The following C4orf46 variants were observed in gnomAD, a reference collection of about 807,000 sequenced individuals.
The protein encoded by C4orf46 is renal cancer differentiation gene 1 protein.
C4orf46 carries 8 observed loss-of-function variants against 9.1 expected under a neutral mutation model. The ratio of observed to expected loss-of-function variants is 0.88; its 90% confidence interval spans 0.52 to 1.59. C4orf46 has a LOEUF of 1.59. Among genes scored for constraint, C4orf46 ranks in the 40% most tolerant of loss-of-function variants. The pLI is 0.00. For missense variants in C4orf46, 151 were observed against 139.1 expected (o/e 1.09, Z -0.43); for synonymous variants, 51 against 58.8 (o/e 0.87, Z 0.61).
At position 158,671,636 on chromosome 4, in the gene C4orf46, C is replaced by G. The variant is rs750487027; in HGVS notation, c.166G>C (p.Val56Leu). Reference sequence around the variant, plus strand: ...CTCACGTCTCCGATCTGCAGCTCCACTTCCTCCAGCTGGTCCACCGTTGGG... The same window carrying G: ...CTCACGTCTCCGATCTGCAGCTCCAGTTCCTCCAGCTGGTCCACCGTTGGG... ...SGPTVDQLEE[V>L]ELQIGDAAFS... Residue 56 changes from valine to leucine, a missense_variant, in exon 1 of 2, where the codon GTG (valine) becomes CTG (leucine). Transcript: ENST00000379205. 7.0e-5 allele frequency: 111 copies of G among 1,579,322 alleles called. No homozygotes were observed. Among genetic ancestry groups the G allele is most frequent in the Admixed American group, 1.1e-4 (6 of 56,632 alleles).
intron 1 of C4orf46, among the ~76,000 whole-genome samples, chr4:158,670,731 T>TA (rs201726698): frequency 3.1e-4 from 47 of 151,456 alleles, no homozygotes; most frequent in East Asian, 2.9e-3. Context: ...TAGTCATCCT[T>TA]AAAAAAAAAT....
In C4orf46 at chr4:158,669,685, T is replaced by C. The variant is rs1273885734; in HGVS notation, c.270A>G (p.Glu90=). ...QVEELAFKCT[E]NARFLKTWRD... The stretch of plus-strand genomic sequence containing the variant: ...GCCACGTTTTAAGGAAACGTGCATT[T>C]TCTGTACATTTGAAGGCAAGTTCTT... Residue 90 remains glutamate, a synonymous_variant, in exon 2 of 2, where the codon GAA becomes GAG. Coordinates refer to ENST00000379205, the MANE Select transcript of C4orf46 (RefSeq NM_001008393.4). The C allele has an allele frequency of 1.2e-6, 2 of 1,613,902 alleles. No individual in the cohort carries two copies. The highest frequency in any genetic ancestry group is 2.2e-5 in the South Asian group (2 of 91,086).
At chr4:158,669,895 C>T in intron 1 of C4orf46, 127 bp from the exon 2 acceptor site, 1 of 735,804 alleles carries the variant, frequency 1.4e-6, no homozygotes, top group Non-Finnish European at 2.2e-6. Flanking sequence ...AATCAGTTTT[C>T]AAACTACAGC....
In C4orf46 at chr4:158,671,743, G is replaced by A. The variant is rs1773559404; in HGVS notation, c.59C>T (p.Pro20Leu). 6.3e-7 allele frequency: 1 copy of A among 1,583,160 alleles called. No individual in the cohort carries two copies. The highest frequency in any genetic ancestry group is 1.3e-5 in the African/African-American group (1 of 74,196). ...TGCTGCAGAGGCGTCTGAAGAGGAGGGAGAAGAGGGAGGCGGCGGGGGCGG... is the reference window on the plus strand; with the variant it reads ...TGCTGCAGAGGCGTCTGAAGAGGAGAGAGAAGAGGGAGGCGGCGGGGGCGG... ...SSPPPPPPSS[P>L]SSSDASAASS... The change falls in exon 1 of 2, where the codon CCC (proline) becomes CTC (leucine). Residue 20 changes from proline to leucine, a missense_variant. By Grantham distance (98) the Pro-to-Leu change is moderately conservative. Transcript: ENST00000379205.
At chr4:158,671,007 T>G (rs1284346972) in intron 1 of C4orf46, among the ~76,000 whole-genome samples, 1 of 151,140 alleles carries the variant, frequency 6.6e-6, no homozygotes, top group Admixed American at 6.6e-5. Flanking sequence ...AAGGGAGGAG[T>G]CCTGAACTAA....
In C4orf46 at chr4:158,669,356, A is replaced by T; in HGVS notation, c.*257T>A. 1 of 324,006 alleles carries T rather than the reference A, an allele frequency of 3.1e-6. No individual in the cohort carries two copies. Among genetic ancestry groups the T allele is most frequent in the Non-Finnish European group, 5.7e-6 (1 of 176,690 alleles). 20.1% of individuals were successfully genotyped at this position (324,006 alleles called of 1,614,324 possible). ...CTCTATTAATATTAACCGTCTATTG[A>T]TGAAGTTAACTTTCATAAAGGATTC... On this transcript the variant is annotated 3_prime_UTR_variant, in exon 2 of 2. Coordinates refer to ENST00000379205, the MANE Select transcript of C4orf46 (RefSeq NM_001008393.4).
rs531996845 is a variant in C4orf46 at position 158,667,215 on chromosome 4, A to G, written c.*2398T>C. 8 of 152,340 alleles carry G rather than the reference A, an allele frequency of 5.3e-5. No individual in the cohort carries two copies. The highest frequency in any genetic ancestry group is 1.9e-4 in the African/African-American group (8 of 41,570). The allele number at this position is 152,340 out of a possible 1,614,324, so 9.4% of individuals were successfully genotyped here. A position where few individuals can be genotyped will look rare whatever the true frequency, so the allele number is the denominator to read the frequency against. ...ACTTGAAAAATTGATACTTGGAGGAACAGCTATAAATATGTAAAAATAATT... is the reference window on the plus strand; with the variant it reads ...ACTTGAAAAATTGATACTTGGAGGAGCAGCTATAAATATGTAAAAATAATT... On this transcript the variant is annotated 3_prime_UTR_variant, in exon 2 of 2. Coordinates refer to ENST00000379205, the MANE Select transcript of C4orf46 (RefSeq NM_001008393.4).
chr4:158,670,086 C>A (rs1044563774), intron 1 of C4orf46, among the ~76,000 whole-genome samples: 5 of 121,790 alleles, frequency 4.1e-5, no homozygotes, highest in Non-Finnish European at 8.0e-5. Context: ...TGCAATGGCG[C>A]GATCTTGGTT....
rs1773428766 is a variant in C4orf46 at position 158,668,130 on chromosome 4, TCTTGAAATCATTTACCTTTCCTA to T, written c.*1460_*1482del. The stretch of plus-strand genomic sequence containing the variant: ...CTGCATGGTAGAAATACACGGATTT[TCTTGAAATCATTTACCTTTCCTA>T]TATCTTTGAAATATGTCAATAAAGT... On this transcript the variant is annotated 3_prime_UTR_variant, in exon 2 of 2. Coordinates refer to ENST00000379205, the MANE Select transcript of C4orf46 (RefSeq NM_001008393.4). 1 of 152,364 alleles carries T rather than the reference TCTTGAAATCATTTACCTTTCCTA, an allele frequency of 6.6e-6. No homozygotes were observed. The highest frequency in any genetic ancestry group is 1.5e-5 in the Non-Finnish European group (1 of 68,042). The allele number at this position is 152,364 out of a possible 1,614,324, so 9.4% of individuals were successfully genotyped here.
intron 1 of C4orf46, among the ~76,000 whole-genome samples, chr4:158,670,613 CA>C (rs1773505860): frequency 1.3e-5 from 2 of 152,126 alleles, no homozygotes; most frequent in South Asian, 4.1e-4. Flanking sequence ...TTTTCTTCAC[CA>C]ATGATATAAA....
At position 158,669,689 on chromosome 4, in the gene C4orf46, G is replaced by GT. The variant is rs534605002; in HGVS notation, c.265dup (p.Thr89AsnfsTer8). On this transcript the variant is annotated frameshift_variant, in exon 2 of 2. Coordinates refer to ENST00000379205, the MANE Select transcript of C4orf46 (RefSeq NM_001008393.4). LOFTEE classifies it high-confidence loss of function. ...CGTTTTAAGGAAACGTGCATTTTCT[G>GT]TACATTTGAAGGCAAGTTCTTCCAC... The GT allele has an allele frequency of 8.7e-4, 1,405 of 1,613,678 alleles. 12 individuals are homozygous for GT. The African/African-American group carries it at 0.017, about 20-fold the overall frequency.
In C4orf46 at chr4:158,667,320, T is replaced by G. The variant is rs996875449; in HGVS notation, c.*2293A>C. 1.3e-5 allele frequency: 2 copies of G among 152,120 alleles called. No homozygotes were observed. Among genetic ancestry groups the G allele is most frequent in the Admixed American group, 1.3e-4 (2 of 15,274 alleles). 9.4% of individuals were successfully genotyped at this position (152,120 alleles called of 1,614,324 possible). A position where few individuals can be genotyped will look rare whatever the true frequency, so the allele number is the denominator to read the frequency against. ...ACATCTAAATGTTAAAAACAAAAAT[T>G]TTGTAACTTTTGGAAGGCTGAATAG... On this transcript the variant is annotated 3_prime_UTR_variant, in exon 2 of 2. Coordinates refer to ENST00000379205, the MANE Select transcript of C4orf46 (RefSeq NM_001008393.4).
intron 1 of C4orf46, among the ~76,000 whole-genome samples, chr4:158,670,023 C>CTTTTTTTTTTTTTTTTTTTTTTTTTTTT (rs767110704): frequency 5.7e-5 from 1 of 17,676 alleles, no homozygotes; most frequent in African/African-American, 1.1e-4. Flanking sequence ...TAGTTGTTTT[C>CTTTTTTTTTTTTTTTTTTTTTTTTTTTT]TTTTTTTTTT....
intron 1 of C4orf46, among the ~76,000 whole-genome samples, chr4:158,670,028 T>TTTTTTTTTTTTTTTTTTTTTTTTTTTC (rs1554030228): frequency 1.8e-5 from 2 of 113,140 alleles, no homozygotes; most frequent in Admixed American, 1.0e-4. Context: ...GTTTTCTTTT[T>TTTTTTTTTTTTTTTTTTTTTTTTTTTC]TTTTTTTTTT....
At position 158,669,507 on chromosome 4, in the gene C4orf46, C is replaced by A; in HGVS notation, c.*106G>T. On this transcript the variant is annotated 3_prime_UTR_variant, in exon 2 of 2. Coordinates refer to ENST00000379205, the MANE Select transcript of C4orf46 (RefSeq NM_001008393.4). ...AGAAAAATTTCATTCTGAGTATATA[C>A]AGAACTGCTGGACAGAGGTCATCCT... is the stretch of plus-strand genomic sequence containing the variant. The A allele has an allele frequency of 8.7e-7, 1 of 1,152,612 alleles. No homozygotes were observed. The highest frequency in any genetic ancestry group is 1.7e-5 in the South Asian group (1 of 59,968). The allele number at this position is 1,152,612 out of a possible 1,614,324, so 71.4% of individuals were successfully genotyped here.
At position 158,669,355 on chromosome 4, in the gene C4orf46, G is replaced by T; in HGVS notation, c.*258C>A. On this transcript the variant is annotated 3_prime_UTR_variant, in exon 2 of 2. Transcript: ENST00000379205. ...GCTCTATTAATATTAACCGTCTATTGATGAAGTTAACTTTCATAAAGGATT... is the reference window on the plus strand; with the variant it reads ...GCTCTATTAATATTAACCGTCTATTTATGAAGTTAACTTTCATAAAGGATT... The T allele has an allele frequency of 3.1e-6, 1 of 320,922 alleles. No homozygotes were observed. The highest frequency in any genetic ancestry group is 5.7e-6 in the Non-Finnish European group (1 of 174,964). 19.9% of individuals were successfully genotyped at this position (320,922 alleles called of 1,614,324 possible). A position where few individuals can be genotyped will look rare whatever the true frequency, so the allele number is the denominator to read the frequency against.
rs1773404648 is a variant in C4orf46 at position 158,667,293 on chromosome 4, A to G, written c.*2320T>C. The G allele has an allele frequency of 1.3e-5, 2 of 152,242 alleles. No individual in the cohort carries two copies. The highest frequency in any genetic ancestry group is 2.4e-5 in the African/African-American group (1 of 41,460). The allele number at this position is 152,242 out of a possible 1,614,324, so 9.4% of individuals were successfully genotyped here. ...AAAGAAAACAAATTTCAGTTGGACT[A>G]AACATCTAAATGTTAAAAACAAAAA... On this transcript the variant is annotated 3_prime_UTR_variant, in exon 2 of 2. Transcript: ENST00000379205.
At chr4:158,670,977 T>A (rs918321437) in intron 1 of C4orf46, among the ~76,000 whole-genome samples, 1 of 152,190 alleles carries the variant, frequency 6.6e-6, no homozygotes, top group Admixed American at 6.5e-5. Context: ...ATCCTAAGTA[T>A]GCATTCTAGC....
rs2150297954 is a variant in C4orf46, at chr4:158,668,769, A to C, written c.*844T>G. On this transcript the variant is annotated 3_prime_UTR_variant, in exon 2 of 2. Coordinates refer to ENST00000379205, the MANE Select transcript of C4orf46 (RefSeq NM_001008393.4). ...TAAGGCACTTTAAAGATAGCAATCA[A>C]ACATATACAAATATCAAATACAAAC... 6.6e-6 allele frequency: 1 copy of C among 152,372 alleles called. No individual in the cohort carries two copies. The highest frequency in any genetic ancestry group is 1.5e-5 in the Non-Finnish European group (1 of 68,032). 9.4% of individuals were successfully genotyped at this position (152,372 alleles called of 1,614,324 possible).
Sources: allele counts gnomAD v4.1 joint callset (sites outside exome capture counted in the v4.1 genomes callset), GRCh38; gene constraint gnomAD v4.1.1; transcripts MANE v1.5; gene names NCBI Gene and HGNC (gene_info 2026-07-23, HGNC 2026-07-21).